Variants in SHISAL1 observed in about 807,000 individuals in gnomAD.
SHISAL1 encodes the protein shisa like 1.
Under a neutral mutation model 22.6 loss-of-function variants are expected in SHISAL1, and 9 were observed. The observed-to-expected ratio is 0.40, with a 90% CI of 0.24 to 0.70. SHISAL1 has a LOEUF of 0.70. SHISAL1 is among the 30% of genes least tolerant of loss of function. SHISAL1 has a pLI of 0.39. For synonymous variants in SHISAL1, 119 were observed against 115.4 expected, an observed-to-expected ratio of 1.03 and a Z score of -0.20; for missense variants, 246 against 270.6, an observed-to-expected ratio of 0.91 and a Z score of 0.64.
intron 4 of SHISAL1, among the ~76,000 whole-genome samples, chr22:44,249,918 A>C (rs184202866): frequency 6.6e-6 from 1 of 152,360 alleles, no homozygotes; most frequent in African/African-American, 2.4e-5. Flanking sequence ...AAGAAAAATA[A>C]GCATAGAATA....
intron 1 of SHISAL1, among the ~76,000 whole-genome samples, chr22:44,309,169 C>T (rs2055499992): frequency 1.3e-5 from 2 of 152,216 alleles, no homozygotes; most frequent in Non-Finnish European, 1.5e-5. Flanking sequence ...CTGGTCGCCA[C>T]TCAGGGATCA....
intron 1 of SHISAL1, among the ~76,000 whole-genome samples, chr22:44,306,784 C>T (rs1470999670): frequency 4.0e-5 from 5 of 123,638 alleles, no homozygotes; most frequent in African/African-American, 6.4e-5. Flanking sequence ...GCGGAGGGGA[C>T]CTGGGCTCGG....
At chr22:44,269,397 CCACACAATACACA>C (rs1442274373) in intron 4 of SHISAL1, among the ~76,000 whole-genome samples, 1 of 149,370 alleles carries the variant, frequency 6.7e-6, no homozygotes, top group South Asian at 2.1e-4. Context: ...ACACAGACAC[CCACACAATACACA>C]CACACACCAT....
chr22:44,315,893 C>T (rs536679567), upstream of SHISAL1, among the ~76,000 whole-genome samples: 4 of 152,146 alleles, frequency 2.6e-5, no homozygotes, highest in Non-Finnish European at 4.4e-5. Flanking sequence ...CAGGTGATTC[C>T]GCAATGGCAG....
At chr22:44,275,853 T>C (rs1466537830) in intron 4 of SHISAL1, among the ~76,000 whole-genome samples, 2 of 152,228 alleles carry the variant, frequency 1.3e-5, no homozygotes, top group African/African-American at 2.4e-5. Context: ...AAATGGGAGC[T>C]ACTGTTACAG....
chr22:44,288,325 C>T (rs920817037), intron 3 of SHISAL1, among the ~76,000 whole-genome samples: 1 of 152,150 alleles, frequency 6.6e-6, no homozygotes, highest in Non-Finnish European at 1.5e-5. Context: ...TGCGGCCACC[C>T]GGGTTCTCAG....
intron 2 of SHISAL1, 87 bp from the exon 3 acceptor site, chr22:44,296,972 G>A: frequency 1.0e-6 from 1 of 1,004,160 alleles, no homozygotes; most frequent in Admixed American, 1.9e-5. Context: ...CCTCTTCTCA[G>A]GTCCTGCCTG....
At chr22:44,284,893 T>G (rs6006507) in intron 4 of SHISAL1, among the ~76,000 whole-genome samples, 43 of 144,198 alleles carry the variant, frequency 3.0e-4, no homozygotes, top group African/African-American at 1.1e-3. Flanking sequence ...CTCTCTGCCT[T>G]CCTGCCTTCC....
rs2055235664 is a variant in SHISAL1 at position 44,275,766 on chromosome 22, A to T, written c.599+9662T>A. Reference sequence around the variant, plus strand: ...TCTCCTTCATAAAATGAGGCTCGGGATGGCCAAGCTGCAGTGCAGCTGGGG... The same window carrying T: ...TCTCCTTCATAAAATGAGGCTCGGGTTGGCCAAGCTGCAGTGCAGCTGGGG... On this transcript the variant is annotated intron_variant, in intron 4 of 4. Transcript: ENST00000381176. 2.6e-5 allele frequency among the ~76,000 whole-genome samples: 4 copies of T among 152,138 alleles called. No homozygotes were observed. The South Asian group carries it at 8.3e-4, about 32-fold the overall frequency.
rs950712147 is a variant in SHISAL1, at chr22:44,244,043, G to A, written c.*5642C>T. The A allele has an allele frequency of 3.3e-5, 5 of 152,158 alleles. No individual in the cohort carries two copies. The highest frequency in any genetic ancestry group is 5.9e-5 in the Non-Finnish European group (4 of 68,066). 9.4% of individuals were successfully genotyped at this position (152,158 alleles called of 1,614,324 possible). On this transcript the variant is annotated 3_prime_UTR_variant, in exon 5 of 5. Coordinates refer to ENST00000381176, the MANE Select transcript of SHISAL1 (RefSeq NM_001099294.2). ...CCCCACCTCGTTACTGCACATTGTC[G>A]AGACACTGACCACTTGGTTATTTGA...
intron 3 of SHISAL1, among the ~76,000 whole-genome samples, chr22:44,286,166 G>A (rs2055314127): frequency 1.3e-5 from 2 of 152,142 alleles, no homozygotes; most frequent in Admixed American, 1.3e-4. Context: ...CATTGTTCCT[G>A]GCACCCGGGA....
At chr22:44,307,482 T>A (rs2147309346) in intron 1 of SHISAL1, among the ~76,000 whole-genome samples, 1 of 152,274 alleles carries the variant, frequency 6.6e-6, no homozygotes, top group South Asian at 2.1e-4. Context: ...GAAAGCACAT[T>A]TACCAGAGAC....
chr22:44,292,197 G>A (rs896511237), intron 3 of SHISAL1, among the ~76,000 whole-genome samples: 1 of 152,154 alleles, frequency 6.6e-6, no homozygotes, highest in African/African-American at 2.4e-5. Context: ...CGGGGCGGGG[G>A]TCGGGGGAAG....
chr22:44,250,225 A>G (rs5764659), intron 4 of SHISAL1, among the ~76,000 whole-genome samples: 14,644 of 152,242 alleles, frequency 0.096, 1,210 homozygotes, highest in East Asian at 0.28. Context: ...GATAAATTAT[A>G]TGGTCACCAT....
intron 4 of SHISAL1, among the ~76,000 whole-genome samples, chr22:44,284,752 C>T (rs1317696176): frequency 6.6e-6 from 1 of 152,156 alleles, no homozygotes; most frequent in Non-Finnish European, 1.5e-5. Context: ...TACCCAGGGC[C>T]GCCTGGGATT....
At chr22:44,323,562 A>AT in the SHISAL1 span, among the ~76,000 whole-genome samples, 65 of 114,964 alleles carry the variant, frequency 5.7e-4, no homozygotes, top group South Asian at 1.2e-3. Context: ...CCATCCATCC[A>AT]CCATCCATCC....
the SHISAL1 span, among the ~76,000 whole-genome samples, chr22:44,328,916 C>G: frequency 6.6e-6 from 1 of 152,204 alleles, no homozygotes; most frequent in East Asian, 1.9e-4. Context: ...CTTCAGCCGC[C>G]CTGCTGTGTC....
intron 4 of SHISAL1, among the ~76,000 whole-genome samples, chr22:44,271,687 A>G (rs1192642982): frequency 2.0e-5 from 3 of 152,170 alleles, no homozygotes; most frequent in African/African-American, 7.2e-5. Flanking sequence ...CTGCCCTGCA[A>G]AGCCTAATCT....
chr22:44,318,226 A>G, the SHISAL1 span, among the ~76,000 whole-genome samples: 2 of 152,290 alleles, frequency 1.3e-5, no homozygotes, highest in African/African-American at 2.4e-5. Flanking sequence ...AACATCCCTT[A>G]TAACGGGGAG....
Sources: gnomAD v4.1 joint callset for allele counts (sites outside exome capture counted in the v4.1 genomes callset) on GRCh38, gnomAD v4.1.1 for gene constraint, MANE v1.5 for transcripts, NCBI Gene and HGNC (gene_info 2026-07-23, HGNC 2026-07-21) for gene names.